BMPR1B: variants seen among roughly 807,000 people sequenced by gnomAD.
BMPR1B encodes the protein bone morphogenetic protein receptor type 1B, also known as bone morphogenetic protein receptor type-1B.
BMPR1B carries 12 observed loss-of-function variants against 59.1 expected under a neutral mutation model. The ratio of observed to expected loss-of-function variants is 0.20; its 90% CI spans 0.13 to 0.33. The LOEUF (loss-of-function observed/expected upper bound fraction) is 0.33. BMPR1B is among the 10% of genes least tolerant of loss of function. The probability of loss-of-function intolerance (pLI) is 1.00; values close to 1 mark genes in which losing one functional copy is unlikely to be tolerated. For missense variants in BMPR1B, 550 were observed against 610.9 expected (o/e 0.90, Z 1.05); for synonymous variants, 237 against 207.3 (o/e 1.14, Z -1.23).
Position 94,858,834 on chromosome 4 carries a change from T to C in BMPR1B, c.-182-16997T>C, listed in dbSNP as rs1196135968. Among the ~76,000 whole-genome samples, 8 of 152,356 alleles carry C rather than the reference T, an allele frequency of 5.3e-5. No homozygotes were observed. The East Asian group carries it at 1.3e-3, about 26-fold the overall frequency. ...TTTAATACATCAAAGTGAAAGACACTGTAATCCTATCTCCTCAGTCTTTCA... is the reference window on the plus strand; with the variant it reads ...TTTAATACATCAAAGTGAAAGACACCGTAATCCTATCTCCTCAGTCTTTCA... On this transcript the variant is annotated intron_variant, in intron 1 of 12. Transcript: ENST00000515059.
At chr4:94,861,385 T>C (rs1725971179) in intron 1 of BMPR1B, among the ~76,000 whole-genome samples, 1 of 152,228 alleles carries the variant, frequency 6.6e-6, no homozygotes, top group African/African-American at 2.4e-5. Flanking sequence ...TAGAATTTGC[T>C]ATTACTGGTT....
intron 1 of BMPR1B, among the ~76,000 whole-genome samples, chr4:94,821,640 A>T (rs1321153816): frequency 1.3e-5 from 2 of 152,156 alleles, no homozygotes; most frequent in Non-Finnish European, 2.9e-5. Flanking sequence ...TATTTATTGA[A>T]TACCTCCTAT....
intron 3 of BMPR1B, among the ~76,000 whole-genome samples, chr4:95,042,177 C>T (rs1725705579): frequency 6.6e-6 from 1 of 152,046 alleles, no homozygotes; most frequent in Non-Finnish European, 1.5e-5. Flanking sequence ...TTTTGAGTAC[C>T]CACCTAATAC....
chr4:95,154,398 A>T (rs1365128707), intron 12 of BMPR1B, 150 bp from the exon 13 acceptor site: 1 of 1,102,028 alleles, frequency 9.1e-7, no homozygotes, highest in Non-Finnish European at 1.3e-6. Context: ...ATTTTGCATG[A>T]AAAAAGCTTA....
chr4:94,784,569 A>G (rs985379496), intron 1 of BMPR1B, among the ~76,000 whole-genome samples: 1 of 151,880 alleles, frequency 6.6e-6, no homozygotes, highest in South Asian at 2.1e-4. Context: ...TGTGGCACAG[A>G]CTAGTCTTAT....
chr4:94,969,193 C>G (rs1730679326), intron 2 of BMPR1B, among the ~76,000 whole-genome samples: 1 of 152,064 alleles, frequency 6.6e-6, no homozygotes, highest in South Asian at 2.1e-4. Flanking sequence ...CGCCACCACA[C>G]CTGGCTAATT....
chr4:95,127,066 G>A (rs1403935404), intron 8 of BMPR1B, among the ~76,000 whole-genome samples: 1 of 151,962 alleles, frequency 6.6e-6, no homozygotes, highest in Non-Finnish European at 1.5e-5. Flanking sequence ...GTGTGTGTGT[G>A]TGTGTTCTGT....
intron 1 of BMPR1B, among the ~76,000 whole-genome samples, chr4:94,795,907 G>A (rs978113875): frequency 9.2e-5 from 14 of 151,860 alleles, no homozygotes; most frequent in Admixed American, 5.9e-4. Flanking sequence ...TAAAAGTGGT[G>A]ATATCTGGCA....
chr4:94,770,182 G>GTTTTTTTTTTTTTTTTTTTTTTT lies in BMPR1B; in HGVS notation c.-183+12117_-183+12118insTTTTTTTTTTTTTTTTTTTTTTT, dbSNP rs1215939344. 2.8e-3 allele frequency among the ~76,000 whole-genome samples: 112 copies of GTTTTTTTTTTTTTTTTTTTTTTT among 39,958 alleles called. 8 individuals are homozygous for GTTTTTTTTTTTTTTTTTTTTTTT. The highest frequency in any genetic ancestry group is 2.9e-3 in the Non-Finnish European group (60 of 20,530). 26.2% of individuals were successfully genotyped at this position (39,958 alleles called of 152,430 possible). A position where few individuals can be genotyped will look rare whatever the true frequency, so the allele number is the denominator to read the frequency against. On this transcript the variant is annotated intron_variant, in intron 1 of 12. Transcript: ENST00000515059. ...TGTTTGAATTGTCCTTCGTTTCTGT[G>GTTTTTTTTTTTTTTTTTTTTTTT]TTTGTTTTTTTTTTTTTTTTTTGCG...
At chr4:95,091,880 A>G (rs1730016670) in intron 3 of BMPR1B, among the ~76,000 whole-genome samples, 1 of 152,044 alleles carries the variant, frequency 6.6e-6, no homozygotes, top group African/African-American at 2.4e-5. Context: ...TAAATTAATG[A>G]TGTTCTTATA....
chr4:94,821,371 C>T (rs1412874387), intron 1 of BMPR1B, among the ~76,000 whole-genome samples: 1 of 151,798 alleles, frequency 6.6e-6, no homozygotes, highest in African/African-American at 2.4e-5. Flanking sequence ...ATAATATTAG[C>T]GAAGTTTTCT....
chr4:95,103,960 A>G (rs1425676326), intron 3 of BMPR1B, among the ~76,000 whole-genome samples: 3 of 152,130 alleles, frequency 2.0e-5, no homozygotes, highest in Non-Finnish European at 4.4e-5. Context: ...TGGTAGATAG[A>G]CAGTTTTAAA....
At chr4:95,011,410 G>C (rs1158525721) in intron 3 of BMPR1B, among the ~76,000 whole-genome samples, 1 of 152,160 alleles carries the variant, frequency 6.6e-6, no homozygotes, top group Non-Finnish European at 1.5e-5. Flanking sequence ...ACAGAGCTCA[G>C]GGACCTAGTA....
intron 2 of BMPR1B, among the ~76,000 whole-genome samples, chr4:94,957,448 G>A (rs1173088477): frequency 6.7e-6 from 1 of 148,760 alleles, no homozygotes; most frequent in Non-Finnish European, 1.5e-5. Context: ...TAAGACTTTA[G>A]GATGTTTAAA....
intron 1 of BMPR1B, among the ~76,000 whole-genome samples, chr4:94,841,174 G>A (rs1233812760): frequency 2.0e-5 from 3 of 149,714 alleles, no homozygotes; most frequent in East Asian, 3.9e-4. Flanking sequence ...AAAGCTGTCT[G>A]ACAGGGACAT....
chr4:94,935,870 A>T (rs1010641569), intron 2 of BMPR1B, among the ~76,000 whole-genome samples: 1 of 152,200 alleles, frequency 6.6e-6, no homozygotes, highest in Non-Finnish European at 1.5e-5. Flanking sequence ...TCAGGGGAAA[A>T]TGCCTTATCT....
intron 2 of BMPR1B, among the ~76,000 whole-genome samples, chr4:94,904,845 A>G (rs992489764): frequency 4.6e-5 from 7 of 151,990 alleles, no homozygotes; most frequent in Non-Finnish European, 7.4e-5. Context: ...TTGCACTCCT[A>G]TCATTTGTTT....
rs552528183 is a variant in BMPR1B, at chr4:95,006,985, A to G, written c.-18+10851A>G. Among the ~76,000 whole-genome samples, 60 of 152,296 alleles carry G rather than the reference A, an allele frequency of 3.9e-4. 1 individual carries two copies. Among genetic ancestry groups the G allele is most frequent in the African/African-American group, 1.4e-3 (59 of 41,572 alleles). Reference sequence around the variant, plus strand: ...GCTTTCACATTTACCAGGTGTCCAAATCAGAGAGCAGCAACTCTATTCCTA... The same window carrying G: ...GCTTTCACATTTACCAGGTGTCCAAGTCAGAGAGCAGCAACTCTATTCCTA... On this transcript the variant is annotated intron_variant, in intron 3 of 12. Transcript: ENST00000515059.
intron 1 of BMPR1B, among the ~76,000 whole-genome samples, chr4:94,835,537 G>A (rs1029083560): frequency 6.6e-6 from 1 of 152,128 alleles, no homozygotes; most frequent in African/African-American, 2.4e-5. Flanking sequence ...AATTATATCA[G>A]TTGGCAAAAC....
Sources: allele counts gnomAD v4.1 joint callset (sites outside exome capture counted in the v4.1 genomes callset), GRCh38; gene constraint gnomAD v4.1.1; transcripts MANE v1.5; gene names NCBI Gene and HGNC (gene_info 2026-07-23, HGNC 2026-07-21).